The following ARFGEF1 variants were observed in gnomAD, a reference collection of about 807,000 sequenced individuals.
The protein encoded by ARFGEF1 is brefeldin A-inhibited guanine nucleotide-exchange protein 1.
ARFGEF1 carries 42 observed loss-of-function variants against 231.0 expected under a neutral mutation model. The ratio of observed to expected loss-of-function variants is 0.18; its 90% CI spans 0.14 to 0.24. The LOEUF is 0.24. ARFGEF1 is among the 10% of genes least tolerant of loss of function. ARFGEF1 has a pLI of 1.00. For synonymous variants in ARFGEF1, 710 were observed against 732.3 expected, an observed-to-expected ratio of 0.97 and a Z score of 0.49; for missense variants, 1,345 against 2,192.0, an observed-to-expected ratio of 0.61 and a Z score of 7.72.
chr8:67,310,160 C>T (rs975905911), intron 1 of ARFGEF1, among the ~76,000 whole-genome samples: 6 of 152,142 alleles, frequency 3.9e-5, no homozygotes, highest in African/African-American at 7.2e-5. Flanking sequence ...CATGCGGAGC[C>T]GAAGCTGGAC....
At chr8:67,250,266 A>G in intron 19 of ARFGEF1, among the ~76,000 whole-genome samples, 1 of 152,196 alleles carries the variant, frequency 6.6e-6, no homozygotes, top group East Asian at 1.9e-4. Context: ...AAGAGGAGTG[A>G]AAAAGTAGAC....
At chr8:67,313,299 T>G (rs902952694) in intron 1 of ARFGEF1, among the ~76,000 whole-genome samples, 2 of 152,180 alleles carry the variant, frequency 1.3e-5, no homozygotes, top group Non-Finnish European at 2.9e-5. Context: ...AGGGATTTCT[T>G]CTTGGTTTGG....
At chr8:67,179,123 TGGAGTTGGATGACTTTA>T (rs1295404307) in intron 5 of ARFGEF1, among the ~76,000 whole-genome samples, 1 of 151,968 alleles carries the variant, frequency 6.6e-6, no homozygotes, top group African/African-American at 2.4e-5. Flanking sequence ...TGCAGGGAGG[TGGAGTTGGATGACTTTA>T]GGTTCCTTCT....
At chr8:67,211,301 G>A (rs552322726) in intron 34 of ARFGEF1, among the ~76,000 whole-genome samples, 182 bp downstream of exon 34, 26 of 142,598 alleles carry the variant, frequency 1.8e-4, no homozygotes, top group Non-Finnish European at 3.4e-4. Context: ...CTACGATGGC[G>A]TGCCACTGTA....
At chr8:67,185,990 A>C (rs1834477540) in intron 5 of ARFGEF1, among the ~76,000 whole-genome samples, 1 of 152,212 alleles carries the variant, frequency 6.6e-6, no homozygotes. Context: ...AAGTATAGGA[A>C]AAGGTGGTTC....
chr8:67,216,442 A>C (rs1838936033), intron 33 of ARFGEF1, 148 bp downstream of exon 33: 1 of 730,350 alleles, frequency 1.4e-6, no homozygotes, highest in East Asian at 3.3e-5. Context: ...ATTGTAAAAA[A>C]AAAATGTCTA....
chr8:67,182,401 G>A (rs542204763), intron 5 of ARFGEF1, among the ~76,000 whole-genome samples: 26 of 152,166 alleles, frequency 1.7e-4, no homozygotes, highest in African/African-American at 6.0e-4. Context: ...GTAGACACTT[G>A]AGTTGCTTCC....
chr8:67,220,892 CT>C (rs1413863965), intron 29 of ARFGEF1, among the ~76,000 whole-genome samples: 1 of 129,430 alleles, frequency 7.7e-6, no homozygotes, highest in African/African-American at 3.2e-5. Context: ...TCTTTTTTTC[CT>C]TTTCTTTTTT....
In ARFGEF1 at chr8:67,302,416, A is replaced by T; in HGVS notation, c.155+20T>A. 1 of 1,557,738 alleles carries T rather than the reference A, an allele frequency of 6.4e-7. No homozygotes were observed. Among genetic ancestry groups the T allele is most frequent in the Non-Finnish European group, 8.6e-7 (1 of 1,156,488 alleles). ...CAAGTTTGAAAATTATTTTTACTAA[A>T]GAAAAGAAATCCCACAAACCTCTGT... is the stretch of plus-strand genomic sequence containing the variant. On this transcript the variant is annotated intron_variant, in intron 2 of 38. Coordinates refer to ENST00000262215, the MANE Select transcript of ARFGEF1 (RefSeq NM_006421.5).
At chr8:67,287,761 A>G (rs1805820802) in intron 7 of ARFGEF1, among the ~76,000 whole-genome samples, 194 bp downstream of exon 7, 1 of 152,204 alleles carries the variant, frequency 6.6e-6, no homozygotes, top group South Asian at 2.1e-4. Flanking sequence ...TTCATTTCTC[A>G]GTGCTAAAAT....
intron 1 of ARFGEF1, among the ~76,000 whole-genome samples, chr8:67,334,784 A>G (rs1350381197): frequency 6.6e-6 from 1 of 152,204 alleles, no homozygotes; most frequent in Non-Finnish European, 1.5e-5. Context: ...AACATACTGA[A>G]AGAAACCAGA....
At chr8:67,233,318 C>T (rs112805700) in intron 22 of ARFGEF1, among the ~76,000 whole-genome samples, 3,495 of 152,024 alleles carry the variant, frequency 0.023, 87 homozygotes, top group South Asian at 0.047. Context: ...AAAATTTAGA[C>T]TTCCCTTGTC....
In ARFGEF1 at chr8:67,258,231, T is replaced by G; in HGVS notation, c.2295A>C (p.Ala765=). The G allele has an allele frequency of 6.2e-7, 1 of 1,610,948 alleles. No homozygotes were observed. The highest frequency in any genetic ancestry group is 2.2e-5 in the East Asian group (1 of 44,848). Reference sequence around the variant, plus strand: ...CTGAAAAGTCATGTTGGTCCACATATGCATACATGACTTCTTTGTTAAATT... The same window carrying G: ...CTGAAAAGTCATGTTGGTCCACATAGGCATACATGACTTCTTTGTTAAATT... ...NDKFNKEVMY[A]YVDQHDFSGK... Residue 765 remains alanine, a synonymous_variant, in exon 16 of 39, where the codon GCA becomes GCC. Transcript: ENST00000262215.
Position 67,238,319 on chromosome 8 carries a change from T to C in ARFGEF1, c.3289+24A>G, listed in dbSNP as rs776393453. 1.3e-5 allele frequency: 21 copies of C among 1,573,824 alleles called. 1 individual carries two copies. The highest frequency in any genetic ancestry group is 5.9e-5 in the South Asian group (5 of 84,472). The stretch of plus-strand genomic sequence containing the variant: ...ATAATGAGGAAGTTAAAAACAATTT[T>C]TGATACTTTGTAAAAATTCTCACCT... On this transcript the variant is annotated intron_variant, in intron 22 of 38. Transcript: ENST00000262215.
chr8:67,260,502 T>A (rs767945083), intron 14 of ARFGEF1, among the ~76,000 whole-genome samples: 1 of 152,172 alleles, frequency 6.6e-6, no homozygotes, highest in Non-Finnish European at 1.5e-5. Context: ...CCTTTGATGT[T>A]GCTATTGTAA....
At chr8:67,215,505 G>A (rs1447676945) in intron 33 of ARFGEF1, among the ~76,000 whole-genome samples, 4 of 152,126 alleles carry the variant, frequency 2.6e-5, no homozygotes, top group Non-Finnish European at 5.9e-5. Flanking sequence ...AGATCATCCT[G>A]GATTTCAGGT....
In ARFGEF1 at chr8:67,338,000, A is replaced by G. The variant is rs1043631144; in HGVS notation, c.124+5164T>C. 9.2e-5 allele frequency among the ~76,000 whole-genome samples: 14 copies of G among 152,194 alleles called. 1 individual carries two copies. In the East Asian group the frequency reaches 2.7e-3, roughly 29 times the overall value. ...TTACTCATGTATTTTTCCTTTTCAA[A>G]TATCTTCCTTCCTCCATTATGTGAG... On this transcript the variant is annotated intron_variant, in intron 1 of 38. Transcript: ENST00000262215.
intron 10 of ARFGEF1, among the ~76,000 whole-genome samples, chr8:67,268,505 A>G (rs180767788): frequency 1.1e-3 from 164 of 152,282 alleles, no homozygotes; most frequent in African/African-American, 3.7e-3. Flanking sequence ...ACCTCAAAAG[A>G]TTGCTCATGG....
intron 17 of ARFGEF1, among the ~76,000 whole-genome samples, chr8:67,257,067 T>C (rs560959361): frequency 1.6e-4 from 24 of 152,168 alleles, no homozygotes; most frequent in African/African-American, 4.6e-4. Flanking sequence ...ATCCCTCTAC[T>C]GGTGAAGTTT....
Sources: allele counts gnomAD v4.1 joint callset (sites outside exome capture counted in the v4.1 genomes callset), GRCh38; gene constraint gnomAD v4.1.1; transcripts MANE v1.5; gene names NCBI Gene and HGNC (gene_info 2026-07-23, HGNC 2026-07-21).